The following ALAD variants were observed in gnomAD, a reference collection of about 807,000 sequenced individuals.
ALAD encodes aminolevulinate dehydratase, also known as delta-aminolevulinic acid dehydratase.
In ALAD, 20 loss-of-function variants were observed where a neutral mutation model predicts 44.4. That is an observed-to-expected ratio of 0.45 (90% CI 0.32 to 0.65). The LOEUF (loss-of-function observed/expected upper bound fraction) is 0.65, where lower values mean the gene tolerates loss of function less well. ALAD is among the 30% of genes least tolerant of loss of function. The pLI, the probability that ALAD is intolerant of heterozygous loss-of-function variation, is 0.05. For missense variants in ALAD, 323 were observed against 445.7 expected, an observed-to-expected ratio of 0.72 and a Z score of 2.48; for synonymous variants, 156 against 167.9, an observed-to-expected ratio of 0.93 and a Z score of 0.55.
intron 4 of ALAD, 112 bp from the exon 5 acceptor site, chr9:113,391,045 G>A: frequency 1.4e-6 from 2 of 1,427,720 alleles, no homozygotes; most frequent in Non-Finnish European, 1.9e-6. Flanking sequence ...CATCATCACA[G>A]CCCCTGGATA....
chr9:113,394,239 C>CA (rs1230902814), intron 1 of ALAD, among the ~76,000 whole-genome samples: 5 of 146,424 alleles, frequency 3.4e-5, no homozygotes, highest in African/African-American at 9.9e-5. Context: ...GGTGCCTAGC[C>CA]AAAAAAGTAA....
rs1827399748 is a variant in ALAD, at chr9:113,386,516, T to C, written c.*1784A>G. ...TGATCATATTTTCAACTTATGATCA[T>C]ATTTTCAACTTATGATGGGTTTATC... is the stretch of plus-strand genomic sequence containing the variant. On this transcript the variant is annotated 3_prime_UTR_variant, in exon 12 of 12. Coordinates refer to ENST00000409155, the MANE Select transcript of ALAD (RefSeq NM_000031.6). 6.6e-6 allele frequency: 1 copy of C among 152,170 alleles called. No homozygotes were observed. The highest frequency in any genetic ancestry group is 1.5e-5 in the Non-Finnish European group (1 of 68,036). 9.4% of individuals were successfully genotyped at this position (152,170 alleles called of 1,614,324 possible).
In ALAD at chr9:113,392,178, G is replaced by T. The variant is rs1325888040; in HGVS notation, c.114-9C>A. ...TGTCATCAGGAACATCCCTGCAAGAGCGGGGGTGGGATATGGATTGGTAGC... is the reference window on the plus strand; with the variant it reads ...TGTCATCAGGAACATCCCTGCAAGATCGGGGGTGGGATATGGATTGGTAGC... On this transcript the variant is annotated splice_polypyrimidine_tract_variant and intron_variant, in intron 2 of 11. Coordinates refer to ENST00000409155, the MANE Select transcript of ALAD (RefSeq NM_000031.6). 3 of 1,613,950 alleles carry T rather than the reference G, an allele frequency of 1.9e-6. No homozygotes were observed. The highest frequency in any genetic ancestry group is 2.5e-6 in the Non-Finnish European group (3 of 1,179,934).
At chr9:113,400,694 C>T (rs896975001) in intron 1 of ALAD, among the ~76,000 whole-genome samples, 55 of 152,216 alleles carry the variant, frequency 3.6e-4, no homozygotes, top group African/African-American at 1.2e-3. Context: ...TGGTGGCACA[C>T]GCCTGTAATC....
chr9:113,392,666 T>G, intron 2 of ALAD: 1 of 168,816 alleles, frequency 5.9e-6, no homozygotes, highest in Non-Finnish European at 1.3e-5. Flanking sequence ...CTCATGGAGC[T>G]GATGTTCTAG....
chr9:113,392,067 G>T, intron 3 of ALAD, 52 bp downstream of exon 3: 1 of 1,507,452 alleles, frequency 6.6e-7, no homozygotes. Context: ...ACTTCCACCT[G>T]TGGAATCTCT....
chr9:113,390,799 G>A lies in ALAD; in HGVS notation c.396C>T (p.Cys132=), dbSNP rs964593683. ...GCTGGTGGGAGGGAGGGAACTCACCGCAGTGACCATGGGAGGTGTAGGGAC... is the reference window on the plus strand; with the variant it reads ...GCTGGTGGGAGGGAGGGAACTCACCACAGTGACCATGGGAGGTGTAGGGAC... ...CLCPYTSHGH[C]GLLSENGAFR... Residue 132 remains cysteine, a splice_region_variant and synonymous_variant, in exon 5 of 12, where the codon TGC becomes TGT. Coordinates refer to ENST00000409155, the MANE Select transcript of ALAD (RefSeq NM_000031.6). The A allele has an allele frequency of 1.1e-5, 18 of 1,608,366 alleles. No individual in the cohort carries two copies. The highest frequency in any genetic ancestry group is 8.6e-5 in the Admixed American group (5 of 58,426).
At chr9:113,392,814 TC>T (rs1292144436) in intron 2 of ALAD, among the ~76,000 whole-genome samples, 2 of 116,884 alleles carry the variant, frequency 1.7e-5, no homozygotes, top group African/African-American at 7.0e-5. Context: ...GATTGCCATC[TC>T]TTTTTTTTTT....
rs1035138439 is a variant in ALAD, at chr9:113,388,875, G to A, written c.931+102C>T. On this transcript the variant is annotated intron_variant, in intron 11 of 11. Coordinates refer to ENST00000409155, the MANE Select transcript of ALAD (RefSeq NM_000031.6). Reference sequence around the variant, plus strand: ...TCTGTTTAGATCACTAGTAATTCCCGGAATAAGATCCCAAGCTCTCAGGAC... The same window carrying A: ...TCTGTTTAGATCACTAGTAATTCCCAGAATAAGATCCCAAGCTCTCAGGAC... The A allele has an allele frequency of 4.6e-5, 72 of 1,565,006 alleles. 1 individual carries two copies. Among genetic ancestry groups the A allele is most frequent in the Non-Finnish European group, 5.9e-5 (67 of 1,137,822 alleles).
chr9:113,399,667 A>G (rs909678282), intron 1 of ALAD, among the ~76,000 whole-genome samples: 2 of 152,188 alleles, frequency 1.3e-5, no homozygotes, highest in African/African-American at 2.4e-5. Flanking sequence ...ACTGGGAGTA[A>G]CTGAAGTTGG....
At chr9:113,391,916 G>A (rs1827596498) in intron 3 of ALAD, among the ~76,000 whole-genome samples, 1 of 152,058 alleles carries the variant, frequency 6.6e-6, no homozygotes, top group Non-Finnish European at 1.5e-5. Flanking sequence ...CGACGTCTCG[G>A]GTGATGGGTA....
chr9:113,392,377 C>G (rs1045641110), intron 2 of ALAD: 3 of 1,400,178 alleles, frequency 2.1e-6, no homozygotes, highest in South Asian at 2.8e-5. Flanking sequence ...AGTGACAACA[C>G]TAGCAACTGT....
rs144531057 is a variant in ALAD, at chr9:113,393,510, C to T, written c.50G>A (p.Arg17Gln). 2.6e-5 allele frequency: 42 copies of T among 1,613,870 alleles called. No individual in the cohort carries two copies. Among genetic ancestry groups the T allele is most frequent in the Admixed American group, 2.0e-4 (12 of 59,990 alleles). The change falls in exon 2 of 12, where the codon CGG (arginine) becomes CAG (glutamine). Residue 17 changes from arginine to glutamine, a missense_variant. Arg to Gln is a conservative substitution (Grantham distance 43, BLOSUM62 1). Coordinates refer to ENST00000409155, the MANE Select transcript of ALAD (RefSeq NM_000031.6). The stretch of plus-strand genomic sequence containing the variant: ...GGTGGTGGTGGCTGTCTGCCAGGCC[C>T]GAAGTAGTGGGTGGAAGTAGCCGCT... ...LHSGYFHPLL[R>Q]AWQTATTTLN...
At chr9:113,392,803 C>T (rs1404313760) in intron 2 of ALAD, among the ~76,000 whole-genome samples, 2 of 148,806 alleles carry the variant, frequency 1.3e-5, no homozygotes, top group African/African-American at 2.5e-5. Flanking sequence ...TTAACAATCA[C>T]GATTGCCATC....
At chr9:113,392,019 G>A (rs560019024) in intron 3 of ALAD, 100 bp downstream of exon 3, 125 of 1,184,992 alleles carry the variant, frequency 1.1e-4, no homozygotes, top group Non-Finnish European at 1.3e-4. Context: ...CTGTCTGTCC[G>A]CATCTTCTAC....
chr9:113,391,894 C>T (rs1175425318), intron 3 of ALAD, among the ~76,000 whole-genome samples: 1 of 152,234 alleles, frequency 6.6e-6, no homozygotes, highest in African/African-American at 2.4e-5. Flanking sequence ...CCTTCTGCAA[C>T]AGCCTCTGCC....
At chr9:113,393,257 T>C in intron 2 of ALAD, 190 bp downstream of exon 2, 2 of 625,470 alleles carry the variant, frequency 3.2e-6, no homozygotes, top group Non-Finnish European at 5.8e-6. Flanking sequence ...AATGAGTTCT[T>C]TCAAAGTTTG....
intron 2 of ALAD, 151 bp from the exon 3 acceptor site, chr9:113,392,320 T>C: frequency 1.3e-6 from 2 of 1,556,714 alleles, no homozygotes; most frequent in African/African-American, 2.7e-5. Context: ...CTTCCCTGCC[T>C]GGCCAAGCCC....
intron 1 of ALAD, chr9:113,396,884 C>G (rs940194458): frequency 1.3e-5 from 2 of 152,382 alleles, no homozygotes; most frequent in African/African-American, 4.8e-5. Context: ...GTGGAGAGCT[C>G]TGTTTTAGAC....
Sources: allele counts gnomAD v4.1 joint callset (sites outside exome capture counted in the v4.1 genomes callset), GRCh38; gene constraint gnomAD v4.1.1; transcripts MANE v1.5; gene names NCBI Gene and HGNC (gene_info 2026-07-23, HGNC 2026-07-21).